Variants in RUNX1T1 observed in about 807,000 individuals in gnomAD.
The protein encoded by RUNX1T1 is protein CBFA2T1.
In RUNX1T1, 4 loss-of-function variants were observed where a neutral mutation model predicts 62.8. The observed-to-expected ratio is 0.06, with a 90% confidence interval of 0.03 to 0.15. The LOEUF (loss-of-function observed/expected upper bound fraction) is 0.15. RUNX1T1 is among the 10% of genes least tolerant of loss of function. RUNX1T1 has a pLI of 1.00. For missense variants in RUNX1T1, 508 were observed against 754.3 expected (o/e 0.67, Z 3.82); for synonymous variants, 291 against 286.0 (o/e 1.02, Z -0.18).
intron 8 of RUNX1T1, among the ~76,000 whole-genome samples, chr8:91,979,036 G>C (rs570479944): frequency 7.9e-5 from 12 of 152,232 alleles, no homozygotes; most frequent in African/African-American, 2.6e-4. Flanking sequence ...TTATATAAAC[G>C]TGTTTTACAA....
chr8:92,073,826 A>G (rs1345114148), intron 2 of RUNX1T1, among the ~76,000 whole-genome samples: 2 of 152,168 alleles, frequency 1.3e-5, no homozygotes, highest in African/African-American at 2.4e-5. Flanking sequence ...CCTCCCAAGT[A>G]GCTGGGACTA....
At chr8:91,960,404 A>G (rs1325629719) in exon 11 of RUNX1T1, 1 of 1,614,136 alleles carries the variant, frequency 6.2e-7, no homozygotes, top group Non-Finnish European at 8.5e-7. Context: ...GGGTCTGTCC[A>G]CAGATGTGAT....
upstream of RUNX1T1, among the ~76,000 whole-genome samples, chr8:92,064,987 G>T (rs1197360614): frequency 6.6e-6 from 1 of 152,108 alleles, no homozygotes; most frequent in Non-Finnish European, 1.5e-5. Flanking sequence ...GACTGCAGCG[G>T]GGCCTAGCTG....
intron 5 of RUNX1T1, among the ~76,000 whole-genome samples, chr8:92,001,844 T>C (rs536919052): frequency 6.6e-6 from 1 of 152,356 alleles, no homozygotes; most frequent in East Asian, 1.9e-4. Flanking sequence ...CACAATTATT[T>C]TCTTTAAATC....
chr8:92,078,865 TA>T (rs1401462092), intron 1 of RUNX1T1, among the ~76,000 whole-genome samples: 1 of 152,238 alleles, frequency 6.6e-6, no homozygotes, highest in African/African-American at 2.4e-5. Context: ...GCAATGTATT[TA>T]TTTTCTAAGG....
chr8:91,989,877 A>G (rs1402605606), intron 6 of RUNX1T1, among the ~76,000 whole-genome samples: 1 of 152,256 alleles, frequency 6.6e-6, no homozygotes, highest in African/African-American at 2.4e-5. Context: ...CTGCGAGAAC[A>G]TTAGACAGAC....
At chr8:92,095,076 G>GGCCA in intron 1 of RUNX1T1, 1 of 1,535,660 alleles carries the variant, frequency 6.5e-7, no homozygotes, top group Non-Finnish European at 8.7e-7. Flanking sequence ...ATAGCGTCAA[G>GGCCA]GCCAGGGGTA....
chr8:91,970,727 G>A (rs747468228), exon 10 of RUNX1T1: 34 of 1,613,686 alleles, frequency 2.1e-5, no homozygotes, highest in Non-Finnish European at 2.5e-5. Context: ...TGGCCTCGGC[G>A]ACCGTGCGCT....
chr8:92,047,248 G>A (rs1023144888), intron 1 of RUNX1T1, among the ~76,000 whole-genome samples: 17 of 151,978 alleles, frequency 1.1e-4, no homozygotes, highest in Admixed American at 2.6e-4. Context: ...TCTACCCTCT[G>A]CCTGGAAGGT....
intron 2 of RUNX1T1, among the ~76,000 whole-genome samples, chr8:92,016,733 T>C (rs1823083040): frequency 6.6e-6 from 1 of 152,198 alleles, no homozygotes; most frequent in Non-Finnish European, 1.5e-5. Flanking sequence ...AAGTTTTCTG[T>C]ATGATATTGT....
intron 2 of RUNX1T1, among the ~76,000 whole-genome samples, chr8:92,073,616 T>C (rs1834000387): frequency 6.6e-6 from 1 of 152,222 alleles, no homozygotes; most frequent in Admixed American, 6.5e-5. Context: ...TCCCAACTTC[T>C]TGAGTTTGAA....
At chr8:91,959,466 GTATA>G (rs1244578774) in exon 11 of RUNX1T1, 13,409 of 88,314 alleles carry the variant, frequency 0.15, 913 homozygotes, top group East Asian at 0.26. Flanking sequence ...GTGTGTGTGT[GTATA>G]TGTGCGTGTG....
At chr8:91,968,181 G>C (rs143902214) in intron 10 of RUNX1T1, among the ~76,000 whole-genome samples, 71 of 152,154 alleles carry the variant, frequency 4.7e-4, no homozygotes, top group Admixed American at 1.7e-3. Flanking sequence ...ATCTGCCTCC[G>C]AGCTGTGCTA....
intron 2 of RUNX1T1, among the ~76,000 whole-genome samples, chr8:92,016,946 T>C (rs1160770236): frequency 6.6e-6 from 1 of 152,144 alleles, no homozygotes; most frequent in Non-Finnish European, 1.5e-5. Flanking sequence ...CAACTGGAAT[T>C]ACAGACCAAA....
At chr8:92,085,391 T>C (rs903712591) in intron 1 of RUNX1T1, among the ~76,000 whole-genome samples, 2 of 152,234 alleles carry the variant, frequency 1.3e-5, no homozygotes, top group Non-Finnish European at 2.9e-5. Flanking sequence ...CTTGCACAAG[T>C]AGAATTCTAT....
At position 91,958,995 on chromosome 8, in the gene RUNX1T1, A is replaced by C. The variant is rs1406342909; in HGVS notation, c.*1247T>G. On this transcript the variant is annotated 3_prime_UTR_variant, in exon 11 of 11. Coordinates refer to ENST00000396218, the Ensembl canonical transcript of RUNX1T1. Reference sequence around the variant, plus strand: ...ACTACTAGAGAAATATCACTAATACATACAGATATAAAAGCAGCATAGAAA... The same window carrying C: ...ACTACTAGAGAAATATCACTAATACCTACAGATATAAAAGCAGCATAGAAA... 4 of 206,410 alleles carry C rather than the reference A, an allele frequency of 1.9e-5. No individual in the cohort carries two copies. The East Asian group carries it at 2.9e-4, about 15-fold the overall frequency. The allele number at this position is 206,410 out of a possible 1,614,324, so 12.8% of individuals were successfully genotyped here. A position where few individuals can be genotyped will look rare whatever the true frequency, so the allele number is the denominator to read the frequency against.
intron 10 of RUNX1T1, among the ~76,000 whole-genome samples, chr8:91,965,790 A>G (rs997451386): frequency 1.1e-4 from 16 of 152,122 alleles, no homozygotes; most frequent in African/African-American, 3.6e-4. Context: ...TCAATCGCAT[A>G]GTCACTACTC....
chr8:92,049,158 T>C (rs763501996), intron 1 of RUNX1T1, among the ~76,000 whole-genome samples: 19 of 152,172 alleles, frequency 1.2e-4, no homozygotes, highest in Non-Finnish European at 2.5e-4. Flanking sequence ...AAAATACATA[T>C]AAGGTGTGGA....
At chr8:92,055,772 T>G (rs1352143640) in intron 1 of RUNX1T1, among the ~76,000 whole-genome samples, 3 of 152,262 alleles carry the variant, frequency 2.0e-5, no homozygotes, top group African/African-American at 7.2e-5. Flanking sequence ...ATAGAAAGTT[T>G]AACAAGTGTT....
Sources: gnomAD v4.1 joint callset for allele counts (sites outside exome capture counted in the v4.1 genomes callset) on GRCh38, gnomAD v4.1.1 for gene constraint, MANE v1.5 for transcripts, NCBI Gene and HGNC (gene_info 2026-07-23, HGNC 2026-07-21) for gene names.